Variants in WWOX observed in about 807,000 individuals in gnomAD.
WWOX encodes the protein WW domain containing oxidoreductase.
Under a neutral mutation model 46.2 loss-of-function variants are expected in WWOX, and 69 were observed. That is an observed-to-expected ratio of 1.49 (90% CI 1.23 to 1.82). The LOEUF (loss-of-function observed/expected upper bound fraction) is 1.82, where lower values mean the gene tolerates loss of function less well. Ranked by LOEUF, WWOX falls within the 40% of genes most tolerant of loss-of-function variation. The pLI, the probability that WWOX is intolerant of heterozygous loss-of-function variation, is 0.00. For synonymous variants in WWOX, 359 were observed against 202.6 expected, an observed-to-expected ratio of 1.77 and a Z score of -6.56; for missense variants, 919 against 542.6, an observed-to-expected ratio of 1.69 and a Z score of -6.89.
At chr16:78,515,149 G>A (rs1296625987) in intron 8 of WWOX, among the ~76,000 whole-genome samples, 11 of 152,124 alleles carry the variant, frequency 7.2e-5, no homozygotes, top group Admixed American at 3.9e-4. Flanking sequence ...ACTTGAACCC[G>A]GGAGGCGGAG....
intron 8 of WWOX, among the ~76,000 whole-genome samples, chr16:79,043,119 G>A (rs979141220): frequency 2.0e-5 from 3 of 152,142 alleles, no homozygotes; most frequent in East Asian, 1.9e-4. Flanking sequence ...ACGTGGGCAG[G>A]TGAGAGGTGC....
intron 4 of WWOX, among the ~76,000 whole-genome samples, chr16:78,155,854 G>T (rs553547927): frequency 6.6e-6 from 1 of 152,144 alleles, no homozygotes; most frequent in Admixed American, 6.5e-5. Context: ...ATTCTCTTGG[G>T]TTTTATCCAG....
intron 8 of WWOX, among the ~76,000 whole-genome samples, chr16:79,081,430 C>A (rs758170625): frequency 6.6e-6 from 1 of 152,182 alleles, no homozygotes; most frequent in Non-Finnish European, 1.5e-5. Flanking sequence ...TCCCAAAGCG[C>A]TGGGATTACA....
chr16:78,744,701 G>C (rs900759089), intron 8 of WWOX, among the ~76,000 whole-genome samples: 13 of 152,050 alleles, frequency 8.5e-5, no homozygotes, highest in African/African-American at 2.9e-4. Flanking sequence ...CAAAGTGCTG[G>C]GATTACAGGC....
At chr16:78,823,706 G>A (rs930618778) in intron 8 of WWOX, among the ~76,000 whole-genome samples, 4 of 152,078 alleles carry the variant, frequency 2.6e-5, no homozygotes, top group Non-Finnish European at 5.9e-5. Context: ...AGCCTGAGCT[G>A]ATATGCATGT....
intron 5 of WWOX, among the ~76,000 whole-genome samples, chr16:78,200,870 A>G (rs958572528): frequency 1.3e-5 from 2 of 152,200 alleles, no homozygotes; most frequent in South Asian, 2.1e-4. Flanking sequence ...TATTCATGCA[A>G]TTAAAAATTC....
intron 8 of WWOX, among the ~76,000 whole-genome samples, chr16:78,499,874 C>G (rs190807171): frequency 6.6e-6 from 1 of 152,294 alleles, no homozygotes; most frequent in East Asian, 1.9e-4. Context: ...CCCTTACATT[C>G]CGTCTTTAAT....
chr16:78,123,440 G>GTTTTGTTTTGTTTTGTTTT (rs1567584444), intron 4 of WWOX: 1 of 50,500 alleles, frequency 2.0e-5, no homozygotes, highest in African/African-American at 8.4e-5. Context: ...TTTTTGTTTT[G>GTTTTGTTTTGTTTTGTTTT]TTTTTTTTTT....
At chr16:78,199,790 TC>T (rs5818115) in intron 5 of WWOX, among the ~76,000 whole-genome samples, 35,196 of 152,044 alleles carry the variant, frequency 0.23, 4,665 homozygotes, top group African/African-American at 0.36. Flanking sequence ...GACTCCAAGA[TC>T]CCTCTTCTCT....
chr16:78,799,165 G>C (rs985606045), intron 8 of WWOX, among the ~76,000 whole-genome samples: 4 of 152,172 alleles, frequency 2.6e-5, no homozygotes, highest in African/African-American at 4.8e-5. Flanking sequence ...ATTATGTGAA[G>C]TTAGGAAATA....
intron 8 of WWOX, among the ~76,000 whole-genome samples, chr16:78,532,429 C>T (rs575278184): frequency 3.6e-4 from 55 of 152,176 alleles, no homozygotes; most frequent in African/African-American, 1.1e-3. Context: ...CCTAGGCTCT[C>T]CCCTGAAGCT....
At chr16:79,054,783 A>G (rs529958177) in intron 8 of WWOX, among the ~76,000 whole-genome samples, 1 of 152,308 alleles carries the variant, frequency 6.6e-6, no homozygotes, top group South Asian at 2.1e-4. Context: ...CTGTGATCAC[A>G]CCACCGCACT....
chr16:78,459,192 A>C (rs2083894749), intron 8 of WWOX, among the ~76,000 whole-genome samples: 1 of 152,224 alleles, frequency 6.6e-6, no homozygotes, highest in African/African-American at 2.4e-5. Flanking sequence ...GGCCAAGGCT[A>C]TTAATTTAGA....
intron 8 of WWOX, chr16:78,996,378 C>T (rs898583908): frequency 2.9e-6 from 2 of 685,452 alleles, no homozygotes; most frequent in Non-Finnish European, 3.4e-6. Context: ...CTGCACCCAC[C>T]CCCGCCCCCC....
chr16:79,211,943 C>A lies in WWOX; in HGVS notation c.*147C>A, dbSNP rs1179757460. 1.3e-6 allele frequency: 2 copies of A among 1,537,400 alleles called. No homozygotes were observed. Among genetic ancestry groups the A allele is most frequent in the African/African-American group, 1.4e-5 (1 of 73,186 alleles). On this transcript the variant is annotated 3_prime_UTR_variant, in exon 9 of 9. Coordinates refer to ENST00000566780, the MANE Select transcript of WWOX (RefSeq NM_016373.4). ...GAGCAGTCACAACAGAGTGAAAAAT[C>A]TTAAGTACCAATGGGAAGCAGGGAA...
intron 8 of WWOX, among the ~76,000 whole-genome samples, chr16:79,181,886 T>A (rs1170437039): frequency 1.3e-5 from 2 of 152,238 alleles, no homozygotes; most frequent in Non-Finnish European, 2.9e-5. Context: ...GGAATAATTC[T>A]GTTCCCCACT....
At chr16:78,796,400 A>C (rs1001692841) in intron 8 of WWOX, among the ~76,000 whole-genome samples, 2 of 152,202 alleles carry the variant, frequency 1.3e-5, no homozygotes, top group African/African-American at 2.4e-5. Context: ...TCAAGCCTGG[A>C]AGCAGTGAGG....
intron 8 of WWOX, among the ~76,000 whole-genome samples, chr16:78,791,302 G>C (rs571065674): frequency 2.0e-5 from 3 of 152,150 alleles, no homozygotes; most frequent in Non-Finnish European, 2.9e-5. Context: ...CTGGTGATGT[G>C]CTGGGTGTTG....
At chr16:78,906,882 C>G (rs756607549) in intron 8 of WWOX, among the ~76,000 whole-genome samples, 5 of 152,150 alleles carry the variant, frequency 3.3e-5, no homozygotes, top group Non-Finnish European at 7.3e-5. Context: ...CCATGGTGCT[C>G]TCATTGTTGT....
Sources: gnomAD v4.1 joint callset for allele counts (sites outside exome capture counted in the v4.1 genomes callset) on GRCh38, gnomAD v4.1.1 for gene constraint, MANE v1.5 for transcripts, NCBI Gene and HGNC (gene_info 2026-07-23, HGNC 2026-07-21) for gene names.